CHODL: variants seen among roughly 807,000 people sequenced by gnomAD.
The protein encoded by CHODL is chondrolectin.
In CHODL, 29 loss-of-function variants were observed where a neutral mutation model predicts 34.5. The ratio of observed to expected loss-of-function variants is 0.84; its 90% CI spans 0.63 to 1.15. The LOEUF is 1.15. Ranked by LOEUF, CHODL falls within the 50% of genes most tolerant of loss-of-function variation. The pLI, the probability that CHODL is intolerant of heterozygous loss-of-function variation, is 0.00. For missense variants in CHODL, 332 were observed against 332.5 expected, an observed-to-expected ratio of 1.00 and a Z score of 0.01; for synonymous variants, 125 against 116.1, an observed-to-expected ratio of 1.08 and a Z score of -0.49.
intron 2 of CHODL, among the ~76,000 whole-genome samples, chr21:18,028,211 T>C (rs2064197924): frequency 2.2e-5 from 1 of 44,620 alleles, no homozygotes; most frequent in African/African-American, 1.7e-4. Context: ...TAGCTCTTCC[T>C]CCCCTCCCCT....
intron 1 of CHODL, among the ~76,000 whole-genome samples, chr21:18,253,778 T>A (rs1188711652): frequency 2.6e-5 from 4 of 152,164 alleles, no homozygotes. Flanking sequence ...TTTCCCATGG[T>A]CATTCATACT....
At chr21:18,178,981 G>A (rs1292379078) in intron 2 of CHODL, among the ~76,000 whole-genome samples, 1 of 152,080 alleles carries the variant, frequency 6.6e-6, no homozygotes, top group Non-Finnish European at 1.5e-5. Context: ...AATGTCTTCT[G>A]GAAGTTTATC....
chr21:18,101,964 G>A (rs1315476783), intron 2 of CHODL, among the ~76,000 whole-genome samples: 1 of 152,164 alleles, frequency 6.6e-6, no homozygotes, highest in Non-Finnish European at 1.5e-5. Flanking sequence ...AATTTAAGGA[G>A]AAAATTTTCA....
intron 2 of CHODL, among the ~76,000 whole-genome samples, chr21:18,106,095 A>T (rs2065268634): frequency 6.6e-6 from 1 of 152,194 alleles, no homozygotes; most frequent in African/African-American, 2.4e-5. Flanking sequence ...GGTCTTTGGC[A>T]TTCTGCAATT....
At chr21:18,006,803 AT>A (rs1299421245) in intron 1 of CHODL, among the ~76,000 whole-genome samples, 1 of 152,216 alleles carries the variant, frequency 6.6e-6, no homozygotes, top group Non-Finnish European at 1.5e-5. Context: ...TAGTGGCAGA[AT>A]TATAATGTTG....
chr21:18,208,924 A>G (rs1393586857), intron 2 of CHODL, among the ~76,000 whole-genome samples: 1 of 135,736 alleles, frequency 7.4e-6, no homozygotes, highest in East Asian at 2.2e-4. Context: ...GGGTTACACT[A>G]GCAGCTCTGT....
At chr21:18,109,246 A>G (rs2065317345) in intron 2 of CHODL, among the ~76,000 whole-genome samples, 1 of 152,114 alleles carries the variant, frequency 6.6e-6, no homozygotes, top group African/African-American at 2.4e-5. Context: ...CTCAAAAGTT[A>G]TGGTAGAGGG....
rs369420578 is a variant in CHODL at position 18,153,367 on chromosome 21, C to T, written c.-44-103142C>T. Among the ~76,000 whole-genome samples the T allele has an allele frequency of 1.4e-4, 22 of 152,232 alleles. No homozygotes were observed. In the East Asian group the frequency reaches 3.1e-3, roughly 21 times the overall value. ...ATAGGCTGAGGGTTTATTTTTAGAT[C>T]CCAGAAGCTGTCAAATTTCCTGGCT... On this transcript the variant is annotated intron_variant, in intron 2 of 6. Transcript: ENST00000400127.
upstream of CHODL, among the ~76,000 whole-genome samples, chr21:18,241,210 T>C (rs1016764950): frequency 5.9e-5 from 9 of 151,736 alleles, no homozygotes; most frequent in Non-Finnish European, 8.8e-5. Flanking sequence ...TTGGATTCAA[T>C]GCTGTCTTAC....
chr21:17,981,051 A>G (rs1362519383), intron 1 of CHODL, among the ~76,000 whole-genome samples: 2 of 152,242 alleles, frequency 1.3e-5, no homozygotes, highest in Non-Finnish European at 2.9e-5. Flanking sequence ...TTTTGGTCCC[A>G]TTGTAACCAG....
intron 1 of CHODL, among the ~76,000 whole-genome samples, chr21:17,922,208 T>TA (rs551083583): frequency 0.022 from 3,121 of 140,818 alleles, 64 homozygotes; most frequent in South Asian, 0.071. Context: ...CTTATGGCTC[T>TA]AAAAAAAAAA....
chr21:18,030,849 A>T (rs2064239175), intron 2 of CHODL, among the ~76,000 whole-genome samples: 1 of 152,172 alleles, frequency 6.6e-6, no homozygotes, highest in African/African-American at 2.4e-5. Flanking sequence ...ACCTTAGAAA[A>T]ATAGTAGAGG....
At chr21:17,948,844 C>A (rs942933604) in intron 1 of CHODL, among the ~76,000 whole-genome samples, 2 of 152,074 alleles carry the variant, frequency 1.3e-5, no homozygotes, top group Admixed American at 1.3e-4. Flanking sequence ...GAGCTAATAC[C>A]AGTTCTAATC....
intron 2 of CHODL, among the ~76,000 whole-genome samples, chr21:18,028,210 C>T: frequency 2.1e-5 from 1 of 46,512 alleles, no homozygotes; most frequent in African/African-American, 1.7e-4. Context: ...TTAGCTCTTC[C>T]TCCCCTCCCC....
chr21:18,257,442 A>T (rs1436886524), intron 3 of CHODL, among the ~76,000 whole-genome samples: 6 of 152,200 alleles, frequency 3.9e-5, no homozygotes, highest in Admixed American at 3.9e-4. Context: ...AAAATATTTT[A>T]AACATTACTA....
In CHODL at chr21:17,985,224, A is replaced by G. The variant is rs2063744374; in HGVS notation, c.-144-42648A>G. ...CAACTCTTCTTTTATGTCCTTTAGT[A>G]AAACCTGTAGTTCTCGTCCCATAAA... On this transcript the variant is annotated intron_variant, in intron 1 of 6. Transcript: ENST00000400127. Among the ~76,000 whole-genome samples the G allele has an allele frequency of 2.0e-5, 3 of 152,162 alleles. No individual in the cohort carries two copies. The South Asian group carries it at 6.2e-4, about 32-fold the overall frequency.
intron 1 of CHODL, among the ~76,000 whole-genome samples, chr21:17,959,327 A>G (rs538104770): frequency 6.6e-6 from 1 of 152,234 alleles, no homozygotes; most frequent in South Asian, 2.1e-4. Context: ...TACTCTGTCC[A>G]CTACGTTTTT....
intron 1 of CHODL, among the ~76,000 whole-genome samples, chr21:17,941,447 C>CTTT (rs75876564): frequency 3.3e-5 from 4 of 121,228 alleles, no homozygotes; most frequent in Admixed American, 8.4e-5. Context: ...AGGAGCTGGG[C>CTTT]TTTTTTTTTT....
chr21:18,060,575 G>T (rs1268051564), intron 2 of CHODL, among the ~76,000 whole-genome samples: 1 of 151,754 alleles, frequency 6.6e-6, no homozygotes, highest in Non-Finnish European at 1.5e-5. Flanking sequence ...ACAGACCAAG[G>T]CATGGCAGCT....
Sources: allele counts gnomAD v4.1 joint callset (sites outside exome capture counted in the v4.1 genomes callset), GRCh38; gene constraint gnomAD v4.1.1; transcripts MANE v1.5; gene names NCBI Gene and HGNC (gene_info 2026-07-23, HGNC 2026-07-21).